The following HEPH variants were observed in gnomAD, a reference collection of about 807,000 sequenced individuals.
The protein encoded by HEPH is hephaestin.
Under a neutral mutation model 80.8 loss-of-function variants are expected in HEPH, and 69 were observed. The observed-to-expected ratio is 0.85, with a 90% CI of 0.70 to 1.04. HEPH has a LOEUF of 1.04. Ranked by LOEUF, HEPH falls within the 50% of genes least tolerant of loss-of-function variation. The pLI is 0.00. For missense variants in HEPH, 1,115 were observed against 891.3 expected (o/e 1.25, Z -3.20); for synonymous variants, 431 against 322.8 (o/e 1.34, Z -3.60).
chrX:66,162,705 C>T (rs894485166), upstream of HEPH: 3 of 1,154,093 alleles, frequency 2.6e-6, no homozygotes, highest in African/African-American at 1.8e-5. Context: ...TGTCTGAGCA[C>T]ACTTAAGAAT....
intron 15 of HEPH, among the ~76,000 whole-genome samples, chrX:66,248,310 G>A (rs747973095): frequency 8.0e-5 from 9 of 112,119 alleles, no homozygotes; most frequent in East Asian, 2.8e-4. Flanking sequence ...TAAGTGGTGT[G>A]ATAACATCTC....
Position 66,197,836 on chromosome X carries a change from G to T in HEPH, c.1655G>T (p.Gly552Val), listed in dbSNP as rs745694920. ...GATCCCATAAGAGACACAAATTCTGGCCTGGTGGGCCCGCTGCTGGTGTGC... is the reference window on the plus strand; with the variant it reads ...GATCCCATAAGAGACACAAATTCTGTCCTGGTGGGCCCGCTGCTGGTGTGC... ...AADPIRDTNS[G>V]LVGPLLVCRA... Residue 552 changes from glycine (G) to valine (V), a missense_variant, in exon 10 of 21, where the codon GGC becomes GTC. Physicochemically the swap from Gly to Val is moderately radical, Grantham distance 109. This residue lies in a region of HEPH where 716 missense variants were observed against 523.5 expected (regional missense o/e 1.37). Transcript: ENST00000343002. 8.3e-7 allele frequency: 1 copy of T among 1,207,851 alleles called. No homozygotes were observed. Among genetic ancestry groups the T allele is most frequent in the African/African-American group, 1.7e-5 (1 of 57,227 alleles).
chrX:66,189,946 C>A lies in HEPH; in HGVS notation c.1063+8C>A, dbSNP rs1293949327. 3.4e-6 allele frequency: 4 copies of A among 1,167,198 alleles called. No individual in the cohort carries two copies. In the African/African-American group the frequency reaches 7.1e-5, roughly 21 times the overall value. ...TGAACAGTCACTTTCGAGGTGAGATCCAACATTTCTGACCATTGGGTTGTA... is the reference window on the plus strand; with the variant it reads ...TGAACAGTCACTTTCGAGGTGAGATACAACATTTCTGACCATTGGGTTGTA... On this transcript the variant is annotated splice_region_variant and intron_variant, in intron 6 of 20. Transcript: ENST00000343002.
chrX:66,203,286 C>A, intron 12 of HEPH, 78 bp from the exon 13 acceptor site: 1 of 890,846 alleles, frequency 1.1e-6, no homozygotes, highest in Non-Finnish European at 1.6e-6. Context: ...TGCAGTATGC[C>A]TAGGGAAAGG....
At chrX:66,262,170 A>T (rs2091387778) in intron 19 of HEPH, among the ~76,000 whole-genome samples, 1 of 112,248 alleles carries the variant, frequency 8.9e-6, no homozygotes, top group Non-Finnish European at 1.9e-5. Context: ...ACAGGCCAAC[A>T]GGAAGGAAGA....
chrX:66,254,385 G>C (rs1222642602), intron 15 of HEPH, among the ~76,000 whole-genome samples: 1 of 111,576 alleles, frequency 9.0e-6, no homozygotes, highest in Non-Finnish European at 1.9e-5. Flanking sequence ...GTAAAAGAGT[G>C]ATAATGTTAT....
chrX:66,242,754 T>C (rs1180614432), intron 15 of HEPH, among the ~76,000 whole-genome samples: 3 of 111,799 alleles, frequency 2.7e-5, no homozygotes, highest in Non-Finnish European at 5.7e-5. Context: ...AACAAGCATA[T>C]GAAAAAATTC....
intron 18 of HEPH, among the ~76,000 whole-genome samples, chrX:66,259,711 C>A: frequency 1.1e-5 from 1 of 94,349 alleles, no homozygotes; most frequent in South Asian, 4.9e-4. Flanking sequence ...ATAAAGTGGA[C>A]TTTTTTTTTT....
chrX:66,194,121 G>T (rs1323457275), intron 8 of HEPH, among the ~76,000 whole-genome samples: 1 of 111,467 alleles, frequency 9.0e-6, no homozygotes, highest in African/African-American at 3.3e-5. Context: ...TATCTAGAAG[G>T]GCTAAACCAA....
chrX:66,248,544 T>C (rs1158700234), intron 15 of HEPH, among the ~76,000 whole-genome samples: 1 of 112,347 alleles, frequency 8.9e-6, no homozygotes, highest in Non-Finnish European at 1.9e-5. Flanking sequence ...GTAAAGTGCT[T>C]CTTTTAGTGA....
intron 15 of HEPH, among the ~76,000 whole-genome samples, chrX:66,231,727 G>A (rs1349852794): frequency 4.6e-5 from 5 of 108,287 alleles, no homozygotes; most frequent in Non-Finnish European, 9.6e-5. Context: ...CTGCAAACAG[G>A]GACAATTTGA....
chrX:66,242,980 A>G (rs2090660429), intron 15 of HEPH, among the ~76,000 whole-genome samples: 3 of 112,002 alleles, frequency 2.7e-5, no homozygotes, highest in South Asian at 7.4e-4. Context: ...TTAAAACGGA[A>G]CTACTGTTTG....
chrX:66,237,672 C>A (rs2148058551), intron 15 of HEPH, among the ~76,000 whole-genome samples: 1 of 111,968 alleles, frequency 8.9e-6, no homozygotes, highest in South Asian at 3.7e-4. Flanking sequence ...TGTTGAATAT[C>A]TTTGTTCATT....
intron 15 of HEPH, among the ~76,000 whole-genome samples, chrX:66,236,935 T>C (rs751656371): frequency 7.1e-5 from 8 of 111,947 alleles, no homozygotes; most frequent in African/African-American, 2.6e-4. Flanking sequence ...CTTTGTTGGC[T>C]ATCTGTATTT....
chrX:66,216,291 T>C (rs904288748), intron 15 of HEPH, among the ~76,000 whole-genome samples: 66 of 111,670 alleles, frequency 5.9e-4, no homozygotes, highest in East Asian at 5.6e-4. Flanking sequence ...ACAAAACCAA[T>C]GCACTTAATA....
intron 15 of HEPH, among the ~76,000 whole-genome samples, chrX:66,251,068 G>A (rs1285221537): frequency 8.9e-6 from 1 of 111,739 alleles, no homozygotes; most frequent in Non-Finnish European, 1.9e-5. Flanking sequence ...ATTTTTAGCA[G>A]AGATAGGTTT....
At chrX:66,261,498 C>A (rs1213064665) in intron 19 of HEPH, among the ~76,000 whole-genome samples, 2 of 108,675 alleles carry the variant, frequency 1.8e-5, no homozygotes, top group Non-Finnish European at 3.8e-5. Context: ...TTCCAAGAAG[C>A]CCTGTAGAGC....
chrX:66,168,000 A>G (rs187818363), intron 1 of HEPH, among the ~76,000 whole-genome samples: 1 of 112,224 alleles, frequency 8.9e-6, no homozygotes, highest in Non-Finnish European at 1.9e-5. Context: ...GCCATGTCGT[A>G]ATAGATACAC....
intron 18 of HEPH, 75 bp from the exon 19 acceptor site, chrX:66,260,025 T>G: frequency 1.1e-6 from 1 of 940,404 alleles, no homozygotes; most frequent in Non-Finnish European, 1.5e-6. Context: ...CATCACAATT[T>G]TTTGGTTCCT....
Sources: gnomAD v4.1 joint callset for allele counts (sites outside exome capture counted in the v4.1 genomes callset) on GRCh38, gnomAD v4.1.1 for gene constraint, gnomAD v4.1.1 regional missense constraint, MANE v1.5 for transcripts, NCBI Gene and HGNC (gene_info 2026-07-23, HGNC 2026-07-21) for gene names.